Variants in TOLLIP observed in about 807,000 individuals in gnomAD.
TOLLIP encodes the protein toll interacting protein, also known as toll-interacting protein.
In TOLLIP, 16 loss-of-function variants were observed where a neutral mutation model predicts 33.5. The ratio of observed to expected loss-of-function variants is 0.48; its 90% CI spans 0.32 to 0.72. The LOEUF is 0.72. TOLLIP is among the 30% of genes least tolerant of loss of function. The pLI, the probability that TOLLIP is intolerant of heterozygous loss-of-function variation, is 0.03. For synonymous variants in TOLLIP, 176 were observed against 163.7 expected, an observed-to-expected ratio of 1.07 and a Z score of -0.57; for missense variants, 325 against 396.6, an observed-to-expected ratio of 0.82 and a Z score of 1.53.
At chr11:1,305,131 C>T (rs1488265471) in intron 1 of TOLLIP, among the ~76,000 whole-genome samples, 3 of 152,318 alleles carry the variant, frequency 2.0e-5, no homozygotes, top group African/African-American at 7.2e-5. Flanking sequence ...CCAAGAGGCC[C>T]GTGGGTCCCC....
rs146395933 is a variant in TOLLIP, at chr11:1,279,438, C to G, written c.611-2185G>C. Among the ~76,000 whole-genome samples, 583 of 152,328 alleles carry G rather than the reference C, an allele frequency of 3.8e-3. 2 individuals are homozygous for G. Among genetic ancestry groups the G allele is most frequent in the African/African-American group, 0.013 (543 of 41,582 alleles). On this transcript the variant is annotated intron_variant, in intron 5 of 5. Transcript: ENST00000317204. ...CGGTGAGCGTATGTGTCAAGGCTGCCTGGGGACTTCAGGAGGACAGACCAG... is the reference window on the plus strand; with the variant it reads ...CGGTGAGCGTATGTGTCAAGGCTGCGTGGGGACTTCAGGAGGACAGACCAG...
chr11:1,279,177 A>G (rs1386534180), intron 5 of TOLLIP, among the ~76,000 whole-genome samples: 2 of 152,192 alleles, frequency 1.3e-5, no homozygotes, highest in Admixed American at 1.3e-4. Context: ...CTCTGCTGAC[A>G]ATGAGGGGAT....
chr11:1,304,296 G>T (rs1864365624), intron 1 of TOLLIP, among the ~76,000 whole-genome samples: 2 of 152,006 alleles, frequency 1.3e-5, no homozygotes, highest in South Asian at 4.2e-4. Context: ...CACAAAAATA[G>T]CTGTCAGGAC....
chr11:1,290,559 C>A lies in TOLLIP; in HGVS notation c.184-150G>T, dbSNP rs1863901515. 1.4e-6 allele frequency: 1 copy of A among 690,220 alleles called. No homozygotes were observed. The allele number at this position is 690,220 out of a possible 1,614,324, so 42.8% of individuals were successfully genotyped here. A position where few individuals can be genotyped will look rare whatever the true frequency, so the allele number is the denominator to read the frequency against. ...CAGAGTCGCCTGAACACGGCTGTGA[C>A]CTGCTTCCCAGGAGGCCAGGAGCAA... On this transcript the variant is annotated intron_variant, in intron 2 of 5. Transcript: ENST00000317204. This position sits in a 1 kb window ranked among gnomAD's most constrained non-coding sequence, Gnocchi z 4.9.
intron 1 of TOLLIP, among the ~76,000 whole-genome samples, chr11:1,297,283 G>A (rs908017818): frequency 5.9e-5 from 9 of 152,152 alleles, no homozygotes; most frequent in African/African-American, 1.9e-4. Context: ...TCTGAGTTAA[G>A]CCCTGCACCT....
At chr11:1,302,908 G>A (rs1030875183) in intron 1 of TOLLIP, 2 of 448,418 alleles carry the variant, frequency 4.5e-6, no homozygotes, top group South Asian at 1.9e-4. Flanking sequence ...CTCCCCTTCC[G>A]GGGCCTTCCT....
chr11:1,283,734 G>C lies in TOLLIP; in HGVS notation c.610+2268C>G, dbSNP rs964469109. 4 of 375,318 alleles carry C rather than the reference G, an allele frequency of 1.1e-5. No homozygotes were observed. In the East Asian group the frequency reaches 2.2e-4, roughly 20 times the overall value. 23.2% of individuals were successfully genotyped at this position (375,318 alleles called of 1,614,324 possible). A position where few individuals can be genotyped will look rare whatever the true frequency, so the allele number is the denominator to read the frequency against. On this transcript the variant is annotated intron_variant, in intron 5 of 5. Transcript: ENST00000317204. ...AGCCAATCAATGTTATCTGTCATCT[G>C]AATGCTCTTTCAGCCAGATACACCC...
At chr11:1,300,583 G>A (rs949665516) in intron 1 of TOLLIP, among the ~76,000 whole-genome samples, 1 of 152,186 alleles carries the variant, frequency 6.6e-6, no homozygotes, top group African/African-American at 2.4e-5. Context: ...CGTCTCCAAC[G>A]GAGAGAGCCG....
rs1864534089 is a variant in TOLLIP at position 1,309,581 on chromosome 11, G to A, written c.-83C>T. On this transcript the variant is annotated 5_prime_UTR_variant, in exon 1 of 6. Coordinates refer to ENST00000317204, the MANE Select transcript of TOLLIP (RefSeq NM_019009.4). ...CTGCGCCCCCGCCGGAGCCTGCGAC[G>A]GAGACAGTTGTCACCTCGAGGCCGC... 1.4e-6 allele frequency: 1 copy of A among 718,814 alleles called. No homozygotes were observed. Among genetic ancestry groups the A allele is most frequent in the Non-Finnish European group, 1.9e-6 (1 of 519,980 alleles). 44.5% of individuals were successfully genotyped at this position (718,814 alleles called of 1,614,324 possible).
chr11:1,281,853 A>C (rs1863511307), intron 5 of TOLLIP, among the ~76,000 whole-genome samples: 1 of 152,170 alleles, frequency 6.6e-6, no homozygotes, highest in African/African-American at 2.4e-5. Flanking sequence ...CTGAGAAGAA[A>C]ACCCTGGTGT....
At chr11:1,293,970 C>T (rs116941008) in intron 2 of TOLLIP, among the ~76,000 whole-genome samples, 1 of 152,398 alleles carries the variant, frequency 6.6e-6, no homozygotes, top group East Asian at 1.9e-4. Context: ...TAGCTGTGCT[C>T]ACCACACCAT....
chr11:1,301,184 A>T (rs1215360975), intron 1 of TOLLIP, among the ~76,000 whole-genome samples: 5 of 152,388 alleles, frequency 3.3e-5, no homozygotes, highest in African/African-American at 1.2e-4. Flanking sequence ...CACAATAAAA[A>T]ATATCCTTAG....
intron 5 of TOLLIP, among the ~76,000 whole-genome samples, chr11:1,279,577 C>A (rs1046622035): frequency 7.2e-5 from 11 of 152,196 alleles, no homozygotes; most frequent in Admixed American, 6.5e-4. Context: ...GAGTGATGGG[C>A]GGCTTTGCTG....
intron 1 of TOLLIP, among the ~76,000 whole-genome samples, chr11:1,307,008 G>A (rs987047017): frequency 2.0e-5 from 3 of 151,884 alleles, no homozygotes; most frequent in Non-Finnish European, 2.9e-5. Context: ...CAGACCCACC[G>A]GGCCGTCACC....
Position 1,303,948 on chromosome 11 carries a change from A to T in TOLLIP, c.33+5518T>A, listed in dbSNP as rs2133932242. ...CTACTCGGGAGTCTGAGGCAGGAAA[A>T]TCGCTTGAACCTGGGAGGAAGAGGT... is the stretch of plus-strand genomic sequence containing the variant. On this transcript the variant is annotated intron_variant, in intron 1 of 5. Transcript: ENST00000317204. The surrounding 1 kb of genome is among the most constrained non-coding windows in gnomAD (Gnocchi z 4.2). Among the ~76,000 whole-genome samples the T allele has an allele frequency of 6.6e-6, 1 of 151,938 alleles. No individual in the cohort carries two copies. The highest frequency in any genetic ancestry group is 3.4e-3 in the Middle Eastern group (1 of 294).
Position 1,277,668 on chromosome 11 carries a change from A to T in TOLLIP, c.611-415T>A, listed in dbSNP as rs1863354096. The stretch of plus-strand genomic sequence containing the variant: ...CAGAGTCCTCTGCATCTGGGGACGG[A>T]CTACACGGAATGTCACGCCCGCTGA... On this transcript the variant is annotated intron_variant, in intron 5 of 5. Coordinates refer to ENST00000317204, the MANE Select transcript of TOLLIP (RefSeq NM_019009.4). The surrounding 1 kb of genome is among the most constrained non-coding windows in gnomAD (Gnocchi z 4.2). 6.6e-6 allele frequency among the ~76,000 whole-genome samples: 1 copy of T among 152,158 alleles called. No homozygotes were observed. Among genetic ancestry groups the T allele is most frequent in the Non-Finnish European group, 1.5e-5 (1 of 68,036 alleles).
intron 4 of TOLLIP, among the ~76,000 whole-genome samples, chr11:1,287,006 T>C (rs1040079716): frequency 6.6e-6 from 1 of 152,126 alleles, no homozygotes; most frequent in African/African-American, 2.4e-5. Context: ...AGTTCGAAAC[T>C]GTCAGCTGCG....
chr11:1,307,410 G>A (rs1355066533), intron 1 of TOLLIP, among the ~76,000 whole-genome samples: 5 of 152,198 alleles, frequency 3.3e-5, no homozygotes, highest in Non-Finnish European at 5.9e-5. Flanking sequence ...CTTCCTCATC[G>A]CGGGTGTAAC....
At chr11:1,305,145 C>T (rs1864391753) in intron 1 of TOLLIP, among the ~76,000 whole-genome samples, 4 of 152,226 alleles carry the variant, frequency 2.6e-5, no homozygotes. Flanking sequence ...GGTCCCCACA[C>T]AGTGAAAAGA....
Sources: gnomAD v4.1 joint callset for allele counts (sites outside exome capture counted in the v4.1 genomes callset) on GRCh38, gnomAD v4.1.1 for gene constraint, Gnocchi (gnomAD v3.1) non-coding constraint, MANE v1.5 for transcripts, NCBI Gene and HGNC (gene_info 2026-07-23, HGNC 2026-07-21) for gene names.